SNX11: variants seen among roughly 807,000 people sequenced by gnomAD.
The protein encoded by SNX11 is sorting nexin 11.
A neutral mutation model predicts 30.7 loss-of-function variants in SNX11; 19 were observed. That is an observed-to-expected ratio of 0.62 (90% CI 0.43 to 0.91). The LOEUF (loss-of-function observed/expected upper bound fraction) is 0.91, where lower values mean the gene tolerates loss of function less well. SNX11 is among the 40% of genes least tolerant of loss of function. The pLI, the probability that SNX11 is intolerant of heterozygous loss-of-function variation, is 0.00. For missense variants in SNX11, 302 were observed against 326.7 expected (o/e 0.92, Z 0.58); for synonymous variants, 112 against 119.0 (o/e 0.94, Z 0.38).
chr17:48,114,539 C>G (rs1439272679), intron 4 of SNX11, among the ~76,000 whole-genome samples: 2 of 149,186 alleles, frequency 1.3e-5, no homozygotes, highest in African/African-American at 5.0e-5. Context: ...CTTACTGCAA[C>G]CTCCGCCTCC....
chr17:48,122,493 GTCC>G lies in SNX11; in HGVS notation c.*990_*992del, dbSNP rs2063611485. 1 of 152,822 alleles carries G rather than the reference GTCC, an allele frequency of 6.5e-6. No individual in the cohort carries two copies. The highest frequency in any genetic ancestry group is 1.9e-4 in the East Asian group (1 of 5,178). 9.5% of individuals were successfully genotyped at this position (152,822 alleles called of 1,614,324 possible). ...TCTCCTTCAGACAATGAGGCATTCT[GTCC>G]TCCTGCTGCCATTCTTCATCTCCAC... On this transcript the variant is annotated 3_prime_UTR_variant, in exon 7 of 7. Coordinates refer to ENST00000359238, the MANE Select transcript of SNX11 (RefSeq NM_013323.3).
intron 1 of SNX11, among the ~76,000 whole-genome samples, chr17:48,109,053 C>T (rs958310175): frequency 2.6e-5 from 4 of 152,076 alleles, no homozygotes; most frequent in African/African-American, 9.7e-5. Context: ...ATGCCTCAGT[C>T]TCCCGAGTAG....
chr17:48,119,926 C>A (rs979846558), intron 6 of SNX11, among the ~76,000 whole-genome samples: 9 of 152,020 alleles, frequency 5.9e-5, no homozygotes, highest in Admixed American at 1.3e-4. Flanking sequence ...GTCCTTCCCT[C>A]CCCCCCAGCT....
rs1359900307 is a variant in SNX11, at chr17:48,112,585, A to G, written c.54A>G (p.Thr18=). ...SENQEQEEVI[T]VRVQDPRVQN... ...TTTCTTACCTACAGGAGGTGATTAC[A>G]GTGCGTGTTCAGGACCCCCGAGTGC... The change falls in exon 3 of 7, where the codon ACA becomes ACG. Residue 18 remains threonine (T), a synonymous_variant. Transcript: ENST00000359238. 1 of 1,612,534 alleles carries G rather than the reference A, an allele frequency of 6.2e-7. No individual in the cohort carries two copies. The highest frequency in any genetic ancestry group is 1.7e-5 in the Admixed American group (1 of 59,938).
At chr17:48,117,081 T>G (rs2063553247) in intron 4 of SNX11, among the ~76,000 whole-genome samples, 1 of 150,914 alleles carries the variant, frequency 6.6e-6, no homozygotes, top group Admixed American at 6.6e-5. Flanking sequence ...TGAGATGGAG[T>G]TTCGCTCTTG....
At chr17:48,109,265 C>T (rs374720009) in intron 1 of SNX11, among the ~76,000 whole-genome samples, 7 of 139,996 alleles carry the variant, frequency 5.0e-5, no homozygotes, top group South Asian at 2.2e-4. Context: ...CTGAAACTTT[C>T]TTTTTTTTTT....
At chr17:48,118,244 T>A (rs1348527743) in intron 4 of SNX11, among the ~76,000 whole-genome samples, 1 of 152,182 alleles carries the variant, frequency 6.6e-6, no homozygotes, top group Non-Finnish European at 1.5e-5. Context: ...ACAGTCTGGC[T>A]TGACACTTGG....
chr17:48,113,531 C>A (rs1205063120), intron 4 of SNX11, 130 bp downstream of exon 4: 15 of 590,154 alleles, frequency 2.5e-5, no homozygotes, highest in East Asian at 6.0e-5. Context: ...TATGTTGTTT[C>A]TTTTTTTGTT....
At chr17:48,120,660 C>T (rs1418275915) in intron 6 of SNX11, among the ~76,000 whole-genome samples, 1 of 151,714 alleles carries the variant, frequency 6.6e-6, no homozygotes, top group South Asian at 2.1e-4. Context: ...AGGCGCCCGC[C>T]ACCATGCCCG....
chr17:48,117,487 C>T (rs1164979238), intron 4 of SNX11, among the ~76,000 whole-genome samples: 1 of 151,462 alleles, frequency 6.6e-6, no homozygotes, highest in East Asian at 1.9e-4. Flanking sequence ...GATTTTCTGA[C>T]CTCGTGATCC....
Position 48,121,555 on chromosome 17 carries a change from G to A in SNX11, c.*47G>A. 1 of 1,594,318 alleles carries A rather than the reference G, an allele frequency of 6.3e-7. No individual in the cohort carries two copies. The highest frequency in any genetic ancestry group is 1.7e-5 in the Admixed American group (1 of 59,028). ...TGGTCAGAGAAGATGCGGGCCAGGA[G>A]ACTTACTCAGGTGGGACTGGGCACA... is the stretch of plus-strand genomic sequence containing the variant. On this transcript the variant is annotated 3_prime_UTR_variant, in exon 7 of 7. Coordinates refer to ENST00000359238, the MANE Select transcript of SNX11 (RefSeq NM_013323.3).
intron 4 of SNX11, among the ~76,000 whole-genome samples, chr17:48,118,340 G>T (rs1480852747): frequency 2.6e-5 from 4 of 152,118 alleles, no homozygotes; most frequent in African/African-American, 9.7e-5. Flanking sequence ...CAGCACTTTG[G>T]GAGGCCGAGG....
intron 3 of SNX11, 55 bp from the exon 4 acceptor site, chr17:48,113,246 A>G (rs2063508232): frequency 3.5e-6 from 5 of 1,417,874 alleles, no homozygotes; most frequent in African/African-American, 1.4e-5. Context: ...GCTCATGTGA[A>G]CTTGTCTATT....
At chr17:48,120,931 C>T (rs1340045458) in intron 6 of SNX11, among the ~76,000 whole-genome samples, 2 of 150,410 alleles carry the variant, frequency 1.3e-5, no homozygotes, top group East Asian at 3.9e-4. Context: ...CGGGCAGCCT[C>T]CTGAGTCAGA....
At chr17:48,120,356 G>A (rs534295943) in intron 6 of SNX11, among the ~76,000 whole-genome samples, 1 of 151,348 alleles carries the variant, frequency 6.6e-6, no homozygotes, top group East Asian at 1.9e-4. Context: ...ACAGGCACCT[G>A]CCACCACACC....
chr17:48,120,380 G>A (rs1200933373), intron 6 of SNX11, among the ~76,000 whole-genome samples: 1 of 149,840 alleles, frequency 6.7e-6, no homozygotes. Flanking sequence ...CTAAGTTTTT[G>A]TATTTTTAGT....
chr17:48,111,187 C>G, intron 1 of SNX11: 3 of 934,298 alleles, frequency 3.2e-6, no homozygotes, highest in Non-Finnish European at 3.8e-6. Context: ...AAGGTCCCAA[C>G]TGGGCAACCC....
chr17:48,112,731 CTTTTTTT>C, intron 3 of SNX11, 71 bp downstream of exon 3: 2 of 589,350 alleles, frequency 3.4e-6, no homozygotes, highest in Non-Finnish European at 2.7e-6. Context: ...GAGGTGTAAC[CTTTTTTT>C]TTTTTTTTTG....
intron 1 of SNX11, among the ~76,000 whole-genome samples, chr17:48,109,493 C>T (rs575947573): frequency 6.7e-4 from 101 of 151,512 alleles, no homozygotes; most frequent in African/African-American, 2.4e-3. Context: ...CTCTTGACCT[C>T]GTATTTCGCC....
Sources: allele counts gnomAD v4.1 joint callset (sites outside exome capture counted in the v4.1 genomes callset), GRCh38; gene constraint gnomAD v4.1.1; transcripts MANE v1.5; gene names NCBI Gene and HGNC (gene_info 2026-07-23, HGNC 2026-07-21).